PHKA2: variants seen among roughly 807,000 people sequenced by gnomAD.
The protein encoded by PHKA2 is phosphorylase b kinase regulatory subunit alpha, liver isoform.
A neutral mutation model predicts 102.0 loss-of-function variants in PHKA2; 31 were observed. The ratio of observed to expected loss-of-function variants is 0.30; its 90% confidence interval spans 0.23 to 0.41. PHKA2 has a LOEUF of 0.41. Ranked by LOEUF, PHKA2 falls within the 10% of genes least tolerant of loss-of-function variation. The pLI is 1.00. For synonymous variants in PHKA2, 455 were observed against 416.2 expected (o/e 1.09, Z -1.13); for missense variants, 858 against 1,023.1 (o/e 0.84, Z 2.20).
Position 18,901,007 on chromosome X carries a change from A to ATT in PHKA2, c.3028-310_3028-309dup, listed in dbSNP as rs747588302. ...GGCCCTGTGCGGTCAGTTCAAAAGG[A>ATT]TTTTTTTTTTTTTTTTTTTTACCAG... On this transcript the variant is annotated intron_variant, in intron 27 of 32. Coordinates refer to ENST00000379942, the MANE Select transcript of PHKA2 (RefSeq NM_000292.3). 8.1e-3 allele frequency among the ~76,000 whole-genome samples: 733 copies of ATT among 90,923 alleles called. 12 individuals carry two copies. Among genetic ancestry groups the ATT allele is most frequent in the African/African-American group, 0.027 (675 of 24,671 alleles). The allele number at this position is 90,923 out of a possible 115,157, so 79.0% of individuals were successfully genotyped here.
intron 9 of PHKA2, among the ~76,000 whole-genome samples, chrX:18,939,516 C>T (rs902416262): frequency 2.7e-5 from 3 of 111,317 alleles, no homozygotes; most frequent in African/African-American, 6.5e-5. Context: ...GTTTTTGAGA[C>T]GGAGTCTCAT....
intron 4 of PHKA2, 90 bp downstream of exon 4, chrX:18,951,014 G>T: frequency 1.1e-6 from 1 of 894,278 alleles, no homozygotes; most frequent in Non-Finnish European, 1.6e-6. Context: ...GCAGCACATG[G>T]CCTGACACAC....
intron 1 of PHKA2, among the ~76,000 whole-genome samples, chrX:18,963,450 C>T (rs2048897413): frequency 8.9e-6 from 1 of 112,344 alleles, no homozygotes; most frequent in Admixed American, 9.4e-5. Context: ...ATAAAGCCCA[C>T]TCAGAGTCAA....
At chrX:18,927,946 T>C (rs188453391) in intron 13 of PHKA2, among the ~76,000 whole-genome samples, 64 of 112,365 alleles carry the variant, frequency 5.7e-4, no homozygotes, top group African/African-American at 1.9e-3. Flanking sequence ...TGGATGTGGC[T>C]AAGTTTCTGA....
rs1185197201 is a variant in PHKA2, at chrX:18,926,417, A to G, written c.1459+36T>C. 3 of 1,143,976 alleles carry G rather than the reference A, an allele frequency of 2.6e-6. No individual in the cohort carries two copies. In the South Asian group the frequency reaches 5.4e-5, roughly 21 times the overall value. 94.3% of individuals were successfully genotyped at this position (1,143,976 alleles called of 1,213,427 possible). ...CCAAATCTAGAACCGAGATGCCCCCATGCCAAAAAGGCCCAGGTAATTTCC... is the reference window on the plus strand; with the variant it reads ...CCAAATCTAGAACCGAGATGCCCCCGTGCCAAAAAGGCCCAGGTAATTTCC... On this transcript the variant is annotated intron_variant, in intron 14 of 32. Transcript: ENST00000379942.
intron 1 of PHKA2, among the ~76,000 whole-genome samples, chrX:18,958,757 T>G (rs2048822227): frequency 1.8e-5 from 2 of 110,162 alleles, no homozygotes; most frequent in Non-Finnish European, 3.8e-5. Context: ...TCACCCAGGC[T>G]GGAGTGCAGT....
chrX:18,905,021 G>A (rs1009279728), intron 26 of PHKA2, among the ~76,000 whole-genome samples: 5 of 111,562 alleles, frequency 4.5e-5, no homozygotes, highest in African/African-American at 1.3e-4. Context: ...AAGTTAGCTC[G>A]AGCATGCTGA....
chrX:18,971,741 C>T (rs1230692888), intron 1 of PHKA2, among the ~76,000 whole-genome samples: 3 of 112,217 alleles, frequency 2.7e-5, no homozygotes, highest in Admixed American at 9.4e-5. Context: ...AACCAATAAA[C>T]GTCTATTATC....
intron 1 of PHKA2, 68 bp downstream of exon 1, chrX:18,983,787 C>T: frequency 1.1e-6 from 1 of 938,502 alleles, no homozygotes. Context: ...GAGGGCCAGA[C>T]CTGGGAAGGA....
chrX:18,894,783 C>T (rs1407849789), intron 31 of PHKA2: 2 of 386,009 alleles, frequency 5.2e-6, no homozygotes, highest in African/African-American at 2.5e-5. Context: ...CACCTAGGGA[C>T]GATTACTGTT....
intron 18 of PHKA2, among the ~76,000 whole-genome samples, chrX:18,919,302 T>C (rs753933655): frequency 8.9e-6 from 1 of 111,779 alleles, no homozygotes; most frequent in African/African-American, 3.2e-5. Flanking sequence ...AAATGTTATA[T>C]ACGTAGGGTT....
In PHKA2 at chrX:18,894,394, T is replaced by G. The variant is rs1364427002; in HGVS notation, c.3347A>C (p.His1116Pro). The G allele has an allele frequency of 8.3e-7, 1 of 1,209,870 alleles. No individual in the cohort carries two copies. The change falls in exon 32 of 33, where the codon CAT (histidine) becomes CCT (proline). Residue 1116 changes from histidine to proline, a missense_variant. Physicochemically the swap from His to Pro is moderately conservative, Grantham distance 77. Around this residue, in one of 2 missense-constraint regions of PHKA2, gnomAD observed 671 missense variants for 745.2 expected, o/e 0.90. Coordinates refer to ENST00000379942, the MANE Select transcript of PHKA2 (RefSeq NM_000292.3). ...GACATGGACAGCAAACTTGATCTCA[T>G]GCGGGGTCATCTACCAAAGGGACAG... ...PSSTTREMTP[H>P]EIKFAVHVES...
At position 18,905,673 on chromosome X, in the gene PHKA2, C is replaced by T. The variant is rs1168016108; in HGVS notation, c.2908+85G>A. ...TAGGAGCCTTCTCTTCCCACATTCG[C>T]TATGCCCCACAGTGCTGGTTCTAAT... On this transcript the variant is annotated intron_variant, in intron 26 of 32. Coordinates refer to ENST00000379942, the MANE Select transcript of PHKA2 (RefSeq NM_000292.3). 2.3e-5 allele frequency: 15 copies of T among 648,483 alleles called. No individual in the cohort carries two copies. The Admixed American group carries it at 3.1e-4, about 13-fold the overall frequency. 53.4% of individuals were successfully genotyped at this position (648,483 alleles called of 1,213,427 possible). A position where few individuals can be genotyped will look rare whatever the true frequency, so the allele number is the denominator to read the frequency against.
At chrX:18,927,136 G>C (rs1472375229) in intron 13 of PHKA2, among the ~76,000 whole-genome samples, 1 of 111,820 alleles carries the variant, frequency 8.9e-6, no homozygotes, top group Non-Finnish European at 1.9e-5. Context: ...GGAGCAGCCT[G>C]GCCCATTCAG....
chrX:18,936,249 TAGAGTTC>T, intron 10 of PHKA2, 99 bp from the exon 11 acceptor site: 1 of 567,529 alleles, frequency 1.8e-6, no homozygotes, highest in East Asian at 3.6e-5. Flanking sequence ...GGCAACAGAT[TAGAGTTC>T]AGACACAGGG....
intron 1 of PHKA2, among the ~76,000 whole-genome samples, chrX:18,970,736 T>C (rs183233089): frequency 5.7e-4 from 64 of 112,060 alleles, no homozygotes; most frequent in African/African-American, 1.8e-3. Flanking sequence ...TCCAAGGTGA[T>C]TGTACCAATT....
intron 1 of PHKA2, among the ~76,000 whole-genome samples, chrX:18,969,390 C>T (rs59006427): frequency 2.5e-3 from 275 of 111,684 alleles, no homozygotes; most frequent in Middle Eastern, 9.3e-3. Context: ...CATCGTACTT[C>T]GGTGTGCAGC....
At position 18,892,646 on chromosome X, in the gene PHKA2, G is replaced by A. The variant is rs1365010292; in HGVS notation, c.*839C>T. On this transcript the variant is annotated 3_prime_UTR_variant, in exon 33 of 33. Transcript: ENST00000379942. Reference sequence around the variant, plus strand: ...CTATGACGCCTCGCCCAGAGCACAGGAGGACAGTATCCACTGCGGGGCGTT... The same window carrying A: ...CTATGACGCCTCGCCCAGAGCACAGAAGGACAGTATCCACTGCGGGGCGTT... 1 of 112,509 alleles carries A rather than the reference G, an allele frequency of 8.9e-6. No homozygotes were observed. Among genetic ancestry groups the A allele is most frequent in the Non-Finnish European group, 1.9e-5 (1 of 53,445 alleles). 9.3% of individuals were successfully genotyped at this position (112,509 alleles called of 1,213,427 possible). A position where few individuals can be genotyped will look rare whatever the true frequency, so the allele number is the denominator to read the frequency against.
At chrX:18,954,982 C>T (rs996518515) in intron 1 of PHKA2, among the ~76,000 whole-genome samples, 5 of 112,094 alleles carry the variant, frequency 4.5e-5, no homozygotes, top group African/African-American at 1.3e-4. Context: ...TATGATATCA[C>T]GGGTATTTAA....
Sources: gnomAD v4.1 joint callset for allele counts (sites outside exome capture counted in the v4.1 genomes callset) on GRCh38, gnomAD v4.1.1 for gene constraint, gnomAD v4.1.1 regional missense constraint, MANE v1.5 for transcripts, NCBI Gene and HGNC (gene_info 2026-07-23, HGNC 2026-07-21) for gene names.